Variants in PACRG observed in about 807,000 individuals in gnomAD.
PACRG encodes the protein parkin coregulated gene protein.
In PACRG, 29 loss-of-function variants were observed where a neutral mutation model predicts 29.7. That is an observed-to-expected ratio of 0.98 (90% CI 0.73 to 1.33). The LOEUF is 1.33. Among genes scored for constraint, PACRG ranks in the 40% most tolerant of loss-of-function variants. The probability of loss-of-function intolerance (pLI) is 0.00; values close to 1 mark genes in which losing one functional copy is unlikely to be tolerated. For missense variants in PACRG, 279 were observed against 316.2 expected (o/e 0.88, Z 0.89); for synonymous variants, 116 against 118.7 (o/e 0.98, Z 0.15).
chr6:163,227,797 A>G (rs1429692928), intron 4 of PACRG, among the ~76,000 whole-genome samples: 1 of 152,130 alleles, frequency 6.6e-6, no homozygotes, highest in African/African-American at 2.4e-5. Context: ...CGAGAATGAA[A>G]CCCACAACTT....
chr6:162,763,176 G>A (rs1444995971), intron 1 of PACRG, among the ~76,000 whole-genome samples: 2 of 152,188 alleles, frequency 1.3e-5, no homozygotes, highest in African/African-American at 4.8e-5. Flanking sequence ...GTATAGCTCT[G>A]CTTTTAAGCT....
At chr6:162,854,702 A>G (rs1159036678) in intron 2 of PACRG, among the ~76,000 whole-genome samples, 1 of 152,200 alleles carries the variant, frequency 6.6e-6, no homozygotes, top group Non-Finnish European at 1.5e-5. Context: ...CTGTACGGCT[A>G]GTTATAAACC....
At chr6:162,937,701 TTTAC>T (rs1798333527) in intron 2 of PACRG, among the ~76,000 whole-genome samples, 1 of 152,124 alleles carries the variant, frequency 6.6e-6, no homozygotes. Context: ...TGTGGGTATA[TTTAC>T]CAACCACATC....
intron 1 of PACRG, among the ~76,000 whole-genome samples, chr6:162,791,333 G>A (rs1374984625): frequency 8.1e-6 from 1 of 123,728 alleles, no homozygotes; most frequent in African/African-American, 3.1e-5. Context: ...TTTGCTTTGC[G>A]CTAACTTTCC....
intron 1 of PACRG, among the ~76,000 whole-genome samples, chr6:162,747,706 A>G (rs1161175334): frequency 6.6e-6 from 1 of 151,624 alleles, no homozygotes; most frequent in Non-Finnish European, 1.5e-5. Flanking sequence ...ACTTAAGCTG[A>G]CCAAGACAGA....
At chr6:163,043,923 A>G (rs1012059649) in intron 2 of PACRG, among the ~76,000 whole-genome samples, 2 of 152,142 alleles carry the variant, frequency 1.3e-5, no homozygotes, top group Non-Finnish European at 2.9e-5. Context: ...GTTTTGGAAG[A>G]GTCAGAAGTG....
Position 163,103,657 on chromosome 6 carries a change from G to A in PACRG, c.613+14249G>A, listed in dbSNP as rs181154053. 1.0e-3 allele frequency among the ~76,000 whole-genome samples: 157 copies of A among 152,220 alleles called. 1 individual carries two copies. The highest frequency in any genetic ancestry group is 3.5e-3 in the African/African-American group (145 of 41,528). ...ATGTTTGACTGAATAACAAGGGGACGGAAATATTGGAGGAACATCTGTAGA... is the reference window on the plus strand; with the variant it reads ...ATGTTTGACTGAATAACAAGGGGACAGAAATATTGGAGGAACATCTGTAGA... On this transcript the variant is annotated intron_variant, in intron 4 of 4. Coordinates refer to ENST00000366888, the MANE Select transcript of PACRG (RefSeq NM_001080379.2).
intron 1 of PACRG, among the ~76,000 whole-genome samples, chr6:162,744,026 T>C (rs1393117015): frequency 6.6e-6 from 1 of 152,158 alleles, no homozygotes; most frequent in Non-Finnish European, 1.5e-5. Flanking sequence ...TTTTATATGG[T>C]TGTTACTTAT....
At chr6:163,097,649 T>A (rs1008849505) in intron 4 of PACRG, among the ~76,000 whole-genome samples, 1 of 152,114 alleles carries the variant, frequency 6.6e-6, no homozygotes, top group African/African-American at 2.4e-5. Context: ...TATACATTGG[T>A]TTGGTTCAGA....
intron 1 of PACRG, among the ~76,000 whole-genome samples, chr6:162,730,065 T>TC (rs1562537767): frequency 1.6e-4 from 13 of 80,154 alleles, no homozygotes; most frequent in African/African-American, 3.1e-4. Flanking sequence ...CTGTCTCTCT[T>TC]TTTTTTTTTT....
chr6:163,304,026 A>T (rs908508144), intron 4 of PACRG, among the ~76,000 whole-genome samples: 11 of 151,368 alleles, frequency 7.3e-5, no homozygotes, highest in African/African-American at 2.4e-4. Flanking sequence ...AAAAAAAAAA[A>T]AAAAAAAAAA....
chr6:162,784,600 T>C (rs1409592612), intron 1 of PACRG, among the ~76,000 whole-genome samples: 2 of 152,172 alleles, frequency 1.3e-5, no homozygotes, highest in Non-Finnish European at 2.9e-5. Flanking sequence ...ATGCAGGAGT[T>C]GGTTCTAAGA....
intron 4 of PACRG, among the ~76,000 whole-genome samples, chr6:163,163,922 T>A (rs1258540562): frequency 6.7e-6 from 1 of 148,692 alleles, no homozygotes. Flanking sequence ...TAATATATTT[T>A]ACAGATAAAT....
intron 4 of PACRG, among the ~76,000 whole-genome samples, chr6:163,200,938 G>A (rs1353136430): frequency 6.6e-6 from 1 of 151,662 alleles, no homozygotes; most frequent in African/African-American, 2.4e-5. Flanking sequence ...GCCGGATCAG[G>A]CCCCAGGCCC....
intron 4 of PACRG, among the ~76,000 whole-genome samples, chr6:163,095,139 C>A (rs892800371): frequency 6.6e-6 from 1 of 152,168 alleles, no homozygotes; most frequent in Non-Finnish European, 1.5e-5. Context: ...CTGATGCCCC[C>A]ACGCGTGGTC....
intron 4 of PACRG, among the ~76,000 whole-genome samples, chr6:163,148,393 G>T (rs914903400): frequency 2.6e-5 from 4 of 152,134 alleles, no homozygotes; most frequent in East Asian, 3.8e-4. Context: ...TCATTGAAAG[G>T]CGTGATCCTG....
At chr6:163,211,723 A>T (rs1193161074) in intron 4 of PACRG, among the ~76,000 whole-genome samples, 1 of 152,210 alleles carries the variant, frequency 6.6e-6, no homozygotes, top group South Asian at 2.1e-4. Flanking sequence ...CAATGTAAGC[A>T]GTCGAAATGG....
intron 2 of PACRG, among the ~76,000 whole-genome samples, chr6:162,942,380 C>T (rs1330822027): frequency 6.6e-6 from 1 of 152,132 alleles, no homozygotes; most frequent in African/African-American, 2.4e-5. Flanking sequence ...CTTTCTGTTT[C>T]ATGCATCTCC....
At chr6:163,124,749 C>A (rs116612188) in intron 4 of PACRG, among the ~76,000 whole-genome samples, 1 of 152,138 alleles carries the variant, frequency 6.6e-6, no homozygotes, top group East Asian at 1.9e-4. Flanking sequence ...TGCATGCTGG[C>A]ACCTTCGAGA....
Sources: allele counts gnomAD v4.1 joint callset (sites outside exome capture counted in the v4.1 genomes callset), GRCh38; gene constraint gnomAD v4.1.1; transcripts MANE v1.5; gene names NCBI Gene and HGNC (gene_info 2026-07-23, HGNC 2026-07-21).